The following RPS19 variants were observed in gnomAD, a reference collection of about 807,000 sequenced individuals.
RPS19 encodes the protein ribosomal protein S19, also known as small ribosomal subunit protein eS19.
Under a neutral mutation model 20.3 loss-of-function variants are expected in RPS19, and 1 was observed. The ratio of observed to expected loss-of-function variants is 0.05; its 90% CI spans 0.02 to 0.23. The LOEUF is 0.23. RPS19 is among the 10% of genes least tolerant of loss of function. The pLI is 1.00. For synonymous variants in RPS19, 87 were observed against 74.8 expected (o/e 1.16, Z -0.84); for missense variants, 111 against 192.7 (o/e 0.58, Z 2.51).
intron 1 of RPS19, 51 bp downstream of exon 1, chr19:41,860,340 C>T (rs1360674196): frequency 6.4e-6 from 1 of 155,082 alleles, no homozygotes; most frequent in Non-Finnish European, 1.4e-5. Context: ...GGGCCGGACG[C>T]CGAAGCCTCA....
intron 3 of RPS19, among the ~76,000 whole-genome samples, chr19:41,862,781 C>T (rs1224389965): frequency 1.3e-5 from 2 of 152,126 alleles, no homozygotes; most frequent in Non-Finnish European, 2.9e-5. Context: ...AAACCTCAAG[C>T]AGGATGTGCA....
rs1457617697 is a variant in RPS19 at position 41,860,989 on chromosome 19, TC to T, written c.72-121del. 7 of 1,109,916 alleles carry T rather than the reference TC, an allele frequency of 6.3e-6. No homozygotes were observed. In the East Asian group the frequency reaches 1.4e-4, roughly 23 times the overall value. The allele number at this position is 1,109,916 out of a possible 1,614,324, so 68.8% of individuals were successfully genotyped here. A position where few individuals can be genotyped will look rare whatever the true frequency, so the allele number is the denominator to read the frequency against. ...TTTCAGCGTGAGGCCTGGCTTGTGTTCCGGTTCCAGCCTCTCTTTGTACTCT... is the reference window on the plus strand; with the variant it reads ...TTTCAGCGTGAGGCCTGGCTTGTGTTCGGTTCCAGCCTCTCTTTGTACTCT... On this transcript the variant is annotated intron_variant, in intron 2 of 5. Coordinates refer to ENST00000598742, the MANE Select transcript of RPS19 (RefSeq NM_001022.4).
intron 3 of RPS19, among the ~76,000 whole-genome samples, chr19:41,868,430 A>G (rs189863456): frequency 6.6e-6 from 1 of 152,320 alleles, no homozygotes; most frequent in Admixed American, 6.5e-5. Context: ...GGCCTGGCAG[A>G]TGTGTGCTCC....
chr19:41,865,738 A>G lies in RPS19; in HGVS notation c.173-3293A>G, dbSNP rs1050095756. Among the ~76,000 whole-genome samples, 343 of 126,638 alleles carry G rather than the reference A, an allele frequency of 2.7e-3. No homozygotes were observed. The Middle Eastern group carries it at 0.033, about 12-fold the overall frequency. The allele number at this position is 126,638 out of a possible 152,430, so 83.1% of individuals were successfully genotyped here. On this transcript the variant is annotated intron_variant, in intron 3 of 5. Coordinates refer to ENST00000598742, the MANE Select transcript of RPS19 (RefSeq NM_001022.4). ...CCGAGGCGGGCGGATCATGAGGTCA[A>G]GAGATCGAGACCATCCTGGCTAACA...
rs370909851 is a variant in RPS19 at position 41,871,326 on chromosome 19, T to A, written c.412-25T>A. 5.1e-5 allele frequency: 83 copies of A among 1,613,084 alleles called. No individual in the cohort carries two copies. In the African/African-American group the frequency reaches 8.7e-4, roughly 17 times the overall value. On this transcript the variant is annotated intron_variant, in intron 5 of 5. Transcript: ENST00000598742. ...CCAGCAGAGACCCCCTTGACTAACT[T>A]TTATTCTTCCATCTTTTCCCACAGG...
chr19:41,860,478 C>CG (rs2074016217), intron 1 of RPS19, 189 bp downstream of exon 1: 2 of 455,080 alleles, frequency 4.4e-6, no homozygotes, highest in Non-Finnish European at 8.1e-6. Flanking sequence ...GCGTGGGCCC[C>CG]GGGGGGCAGC....
intron 3 of RPS19, among the ~76,000 whole-genome samples, chr19:41,865,518 T>G (rs1286083094): frequency 6.6e-6 from 1 of 152,102 alleles, no homozygotes; most frequent in Non-Finnish European, 1.5e-5. Context: ...AGGAACGGTG[T>G]CAGGATTCAA....
intron 3 of RPS19, among the ~76,000 whole-genome samples, chr19:41,867,351 T>G (rs1256671779): frequency 6.6e-6 from 1 of 152,174 alleles, no homozygotes; most frequent in African/African-American, 2.4e-5. Flanking sequence ...TCACCCAGTC[T>G]GGAGTGCAGT....
intron 3 of RPS19, among the ~76,000 whole-genome samples, chr19:41,862,391 G>A (rs1162010276): frequency 2.0e-5 from 3 of 152,132 alleles, no homozygotes; most frequent in South Asian, 2.1e-4. Flanking sequence ...CCTACCCACC[G>A]TTTGTTTTAG....
chr19:41,864,396 G>A (rs1382314429), intron 3 of RPS19: 1 of 152,344 alleles, frequency 6.6e-6, no homozygotes, highest in African/African-American at 2.4e-5. Context: ...AAGGTCAGGA[G>A]AGTGGTTTCT....
At chr19:41,866,996 G>A (rs1325062227) in intron 3 of RPS19, among the ~76,000 whole-genome samples, 9 of 151,194 alleles carry the variant, frequency 6.0e-5, no homozygotes, top group Admixed American at 5.3e-4. Flanking sequence ...CAGCCTGGGC[G>A]ACAGAGCGAG....
At position 41,860,644 on chromosome 19, in the gene RPS19, AGG is replaced by A. The variant is rs527498974; in HGVS notation, c.1-128_1-127del. 1,200 of 800,568 alleles carry A rather than the reference AGG, an allele frequency of 1.5e-3. 20 individuals are homozygous for A. In the South Asian group the frequency reaches 0.016, roughly 10 times the overall value. The allele number at this position is 800,568 out of a possible 1,614,324, so 49.6% of individuals were successfully genotyped here. A position where few individuals can be genotyped will look rare whatever the true frequency, so the allele number is the denominator to read the frequency against. ...CGCAGGAGCCGGAGCCCGGCGTTGA[AGG>A]GGCCGTGGGAAGTAACGGGGGGTAC... On this transcript the variant is annotated intron_variant, in intron 1 of 5. Transcript: ENST00000598742.
intron 3 of RPS19, 66 bp downstream of exon 3, chr19:41,861,278 C>A: frequency 8.6e-7 from 1 of 1,160,170 alleles, no homozygotes; most frequent in South Asian, 1.2e-5. Flanking sequence ...AACCATACTT[C>A]CCTGTCTCCT....
intron 3 of RPS19, among the ~76,000 whole-genome samples, chr19:41,868,439 C>T (rs1258577054): frequency 1.3e-5 from 2 of 152,206 alleles, no homozygotes; most frequent in African/African-American, 4.8e-5. Context: ...GATGTGTGCT[C>T]CAGTTAATAG....
intron 3 of RPS19, among the ~76,000 whole-genome samples, chr19:41,868,233 G>A (rs376630730): frequency 2.0e-5 from 3 of 152,284 alleles, no homozygotes; most frequent in South Asian, 2.1e-4. Context: ...TGTGGGCCCC[G>A]GTGCCATCAC....
At chr19:41,865,719 C>T (rs923130699) in intron 3 of RPS19, among the ~76,000 whole-genome samples, 2 of 151,778 alleles carry the variant, frequency 1.3e-5, no homozygotes, top group Middle Eastern at 3.2e-3. Context: ...GAGGCCGAGG[C>T]GGGCGGATCA....
chr19:41,867,935 T>G (rs1555841042), intron 3 of RPS19, among the ~76,000 whole-genome samples: 4 of 152,218 alleles, frequency 2.6e-5, no homozygotes. Flanking sequence ...AAGGGCTGGC[T>G]GTATCTGGAC....
intron 5 of RPS19, among the ~76,000 whole-genome samples, chr19:41,870,255 A>T (rs1600623495): frequency 6.6e-6 from 1 of 152,078 alleles, no homozygotes; most frequent in East Asian, 1.9e-4. Context: ...AAAAAAAAAA[A>T]TTGGAGGGAA....
intron 1 of RPS19, 197 bp downstream of exon 1, chr19:41,860,486 A>G: frequency 2.2e-6 from 1 of 464,498 alleles, no homozygotes; most frequent in Non-Finnish European, 4.0e-6. Context: ...CCCGGGGGGC[A>G]GCGGCGGGGT....
Sources: gnomAD v4.1 joint callset for allele counts (sites outside exome capture counted in the v4.1 genomes callset) on GRCh38, gnomAD v4.1.1 for gene constraint, MANE v1.5 for transcripts, NCBI Gene and HGNC (gene_info 2026-07-23, HGNC 2026-07-21) for gene names.